Variants in ALDH2 observed in about 807,000 individuals in gnomAD.
ALDH2 encodes the protein aldehyde dehydrogenase, mitochondrial.
In ALDH2, 44 loss-of-function variants were observed where a neutral mutation model predicts 59.6. The ratio of observed to expected loss-of-function variants is 0.74; its 90% confidence interval spans 0.58 to 0.95. The LOEUF is 0.95. Ranked by LOEUF, ALDH2 falls within the 40% of genes least tolerant of loss-of-function variation. ALDH2 has a pLI of 0.00. For synonymous variants in ALDH2, 291 were observed against 284.0 expected, an observed-to-expected ratio of 1.02 and a Z score of -0.25; for missense variants, 570 against 696.3, an observed-to-expected ratio of 0.82 and a Z score of 2.04.
rs75288289 is a variant in ALDH2 at position 111,796,582 on chromosome 12, A to G, written c.1084-1496A>G. 6.2e-3 allele frequency among the ~76,000 whole-genome samples: 939 copies of G among 152,274 alleles called. 11 individuals carry two copies. Among genetic ancestry groups the G allele is most frequent in the African/African-American group, 0.021 (872 of 41,546 alleles). ...TCTCCATTGGTAACCACTCATGCAC[A>G]CACAGTTATGCTGTTGTATGTTTAT... On this transcript the variant is annotated intron_variant, in intron 9 of 12. Transcript: ENST00000261733.
intron 11 of ALDH2, 122 bp from the exon 12 acceptor site, chr12:111,803,737 A>C: frequency 2.3e-6 from 1 of 431,488 alleles, no homozygotes; most frequent in South Asian, 7.4e-5. Flanking sequence ...ATTCTATCTC[A>C]AAAAAAAAAA....
chr12:111,792,303 C>T (rs2068367244), intron 8 of ALDH2, 140 bp downstream of exon 8: 3 of 739,686 alleles, frequency 4.1e-6, no homozygotes, highest in African/African-American at 1.8e-5. Context: ...GACGCCAGCG[C>T]AGGGCCTGCA....
In ALDH2 at chr12:111,814,557, A is replaced by C. The variant is rs1028804900; in HGVS notation, c.*4982A>C. 6.1e-5 allele frequency: 9 copies of C among 147,892 alleles called. No individual in the cohort carries two copies. Among genetic ancestry groups the C allele is most frequent in the Admixed American group, 5.5e-4 (8 of 14,508 alleles). The allele number at this position is 147,892 out of a possible 1,614,324, so 9.2% of individuals were successfully genotyped here. On this transcript the variant is annotated 3_prime_UTR_variant, in exon 13 of 13. Transcript: ENST00000261733. ...TGTCTCAAAAAAAAAAAAAAAAAAA[A>C]GTGGCCAGGTGGTGCCATGGCTCAT...
Position 111,785,775 on chromosome 12 carries a change from G to C in ALDH2, c.440+429G>C, listed in dbSNP as rs995548114. On this transcript the variant is annotated intron_variant, in intron 4 of 12. Coordinates refer to ENST00000261733, the MANE Select transcript of ALDH2 (RefSeq NM_000690.4). ...TTACAAAAATTCAAAAGGATCACAG[G>C]AGTCAGAGAAGGCTACTCTATTTAG... Among the ~76,000 whole-genome samples the C allele has an allele frequency of 3.9e-5, 6 of 152,130 alleles. No homozygotes were observed. The East Asian group carries it at 7.7e-4, about 20-fold the overall frequency.
At chr12:111,778,854 A>G (rs933741902) in intron 1 of ALDH2, among the ~76,000 whole-genome samples, 8 of 149,458 alleles carry the variant, frequency 5.4e-5, no homozygotes, top group African/African-American at 2.0e-4. Flanking sequence ...AAAAGCCCAT[A>G]TTCGTCCAGA....
At chr12:111,807,654 C>T (rs1342803264) in intron 12 of ALDH2, among the ~76,000 whole-genome samples, 1 of 152,074 alleles carries the variant, frequency 6.6e-6, no homozygotes, top group East Asian at 1.9e-4. Flanking sequence ...ACGTACTAAA[C>T]AAAGAGCATA....
At chr12:111,804,071 C>A in intron 12 of ALDH2, 98 bp downstream of exon 12, 1 of 454,258 alleles carries the variant, frequency 2.2e-6, no homozygotes, top group South Asian at 2.7e-5. Flanking sequence ...GTTGGGGGCT[C>A]GGGGCCTGCC....
chr12:111,812,336 A>G lies in ALDH2; in HGVS notation c.*2761A>G, dbSNP rs914774922. The stretch of plus-strand genomic sequence containing the variant: ...GATCTAGTATAACTCTTGTTGTTTT[A>G]TATATTTTATTATACTGGAACAGCT... On this transcript the variant is annotated 3_prime_UTR_variant, in exon 13 of 13. Coordinates refer to ENST00000261733, the MANE Select transcript of ALDH2 (RefSeq NM_000690.4). The G allele has an allele frequency of 2.0e-5, 3 of 152,046 alleles. No homozygotes were observed. The highest frequency in any genetic ancestry group is 7.2e-5 in the African/African-American group (3 of 41,384). 9.4% of individuals were successfully genotyped at this position (152,046 alleles called of 1,614,324 possible).
intron 4 of ALDH2, 52 bp from the exon 5 acceptor site, chr12:111,789,771 C>A: frequency 6.7e-7 from 1 of 1,483,040 alleles, no homozygotes; most frequent in Admixed American, 1.8e-5. Flanking sequence ...CCAGGGTTTG[C>A]AGGGGTCCCT....
chr12:111,784,182 C>T (rs531359250), intron 3 of ALDH2, among the ~76,000 whole-genome samples: 4 of 152,340 alleles, frequency 2.6e-5, no homozygotes, highest in African/African-American at 9.6e-5. Context: ...AGTATGGTGG[C>T]ATATGCCTGT....
Position 111,789,891 on chromosome 12 carries a change from A to C in ALDH2, c.509A>C (p.Tyr170Ser). The C allele has an allele frequency of 6.2e-7, 1 of 1,614,180 alleles. No homozygotes were observed. The highest frequency in any genetic ancestry group is 8.5e-7 in the Non-Finnish European group (1 of 1,180,028). Residue 170 changes from tyrosine to serine, a missense_variant, in exon 5 of 13, where the codon TAC (tyrosine) becomes TCC (serine). Coordinates refer to ENST00000261733, the MANE Select transcript of ALDH2 (RefSeq NM_000690.4). Reference protein sequence around the residue: ...TIPIDGDFFSYTRHEPVGVCG... With the variant: ...TIPIDGDFFSSTRHEPVGVCG... ...CCCATTGACGGAGACTTCTTCAGCTACACACGCCATGAACCTGTGGGGGTG... is the reference window on the plus strand; with the variant it reads ...CCCATTGACGGAGACTTCTTCAGCTCCACACGCCATGAACCTGTGGGGGTG...
chr12:111,773,087 C>A (rs1319767738), intron 1 of ALDH2, among the ~76,000 whole-genome samples: 1 of 151,462 alleles, frequency 6.6e-6, no homozygotes, highest in Non-Finnish European at 1.5e-5. Context: ...CCCGTCTCTA[C>A]TAAAAATACA....
In ALDH2 at chr12:111,812,381, C is replaced by T. The variant is rs1057456835; in HGVS notation, c.*2806C>T. ...ACAGCTCGTGCCCTCGGTCTCTTGC[C>T]TCAGCACCTGGATGGCTTGCCGCCC... On this transcript the variant is annotated 3_prime_UTR_variant, in exon 13 of 13. Transcript: ENST00000261733. The T allele has an allele frequency of 6.6e-6, 1 of 152,070 alleles. No homozygotes were observed. Among genetic ancestry groups the T allele is most frequent in the Non-Finnish European group, 1.5e-5 (1 of 68,040 alleles). The allele number at this position is 152,070 out of a possible 1,614,324, so 9.4% of individuals were successfully genotyped here. A position where few individuals can be genotyped will look rare whatever the true frequency, so the allele number is the denominator to read the frequency against.
intron 1 of ALDH2, among the ~76,000 whole-genome samples, chr12:111,770,081 T>C (rs1593067543): frequency 6.7e-6 from 1 of 149,726 alleles, no homozygotes; most frequent in Admixed American, 6.6e-5. Flanking sequence ...GAGGCAGAGG[T>C]TGCAGTGAGC....
chr12:111,785,849 A>T (rs971205506), intron 4 of ALDH2, among the ~76,000 whole-genome samples: 14 of 152,378 alleles, frequency 9.2e-5, no homozygotes, highest in Admixed American at 9.1e-4. Flanking sequence ...GTGATTAGTC[A>T]TAAATGCTTT....
intron 4 of ALDH2, among the ~76,000 whole-genome samples, chr12:111,786,758 GC>G (rs1391156650): frequency 6.6e-6 from 1 of 151,884 alleles, no homozygotes; most frequent in Non-Finnish European, 1.5e-5. Context: ...TGTTGCCCAG[GC>G]TAGTTTTGGA....
At chr12:111,785,243 C>G in intron 3 of ALDH2, 24 bp from the exon 4 acceptor site, 1 of 1,593,974 alleles carries the variant, frequency 6.3e-7, no homozygotes, top group Non-Finnish European at 8.6e-7. Flanking sequence ...ACCCATGTCT[C>G]TGCTGACCTT....
chr12:111,814,558 G>C lies in ALDH2; in HGVS notation c.*4983G>C, dbSNP rs967848305. 8.2e-5 allele frequency: 11 copies of C among 134,930 alleles called. No homozygotes were observed. Among genetic ancestry groups the C allele is most frequent in the African/African-American group, 3.0e-4 (11 of 36,704 alleles). The allele number at this position is 134,930 out of a possible 1,614,324, so 8.4% of individuals were successfully genotyped here. On this transcript the variant is annotated 3_prime_UTR_variant, in exon 13 of 13. Coordinates refer to ENST00000261733, the MANE Select transcript of ALDH2 (RefSeq NM_000690.4). ...GTCTCAAAAAAAAAAAAAAAAAAAA[G>C]TGGCCAGGTGGTGCCATGGCTCATG...
At chr12:111,782,774 C>T (rs1289375193) in intron 2 of ALDH2, among the ~76,000 whole-genome samples, 4 of 151,846 alleles carry the variant, frequency 2.6e-5, no homozygotes, top group Admixed American at 2.6e-4. Flanking sequence ...ATCCCAGCTA[C>T]TCAAGAGGCT....
Sources: gnomAD v4.1 joint callset for allele counts (sites outside exome capture counted in the v4.1 genomes callset) on GRCh38, gnomAD v4.1.1 for gene constraint, MANE v1.5 for transcripts, NCBI Gene and HGNC (gene_info 2026-07-23, HGNC 2026-07-21) for gene names.